The following FUT8 variants were observed in gnomAD, a reference collection of about 807,000 sequenced individuals.
FUT8 encodes the protein alpha-(1,6)-fucosyltransferase.
FUT8 carries 29 observed loss-of-function variants against 71.3 expected under a neutral mutation model. That is an observed-to-expected ratio of 0.41 (90% CI 0.30 to 0.55). The LOEUF (loss-of-function observed/expected upper bound fraction) is 0.55, where lower values mean the gene tolerates loss of function less well. Among genes scored for constraint, FUT8 ranks in the 20% least tolerant of loss-of-function variants. FUT8 has a pLI of 0.34. For missense variants in FUT8, 544 were observed against 702.1 expected, an observed-to-expected ratio of 0.77 and a Z score of 2.55; for synonymous variants, 254 against 239.3, an observed-to-expected ratio of 1.06 and a Z score of -0.57.
At chr14:65,670,753 T>G (rs928152972) in intron 7 of FUT8, among the ~76,000 whole-genome samples, 1 of 152,184 alleles carries the variant, frequency 6.6e-6, no homozygotes, top group Non-Finnish European at 1.5e-5. Flanking sequence ...TCTGACTCTT[T>G]GCAGAAGTGT....
intron 5 of FUT8, among the ~76,000 whole-genome samples, chr14:65,617,461 A>G (rs1258893188): frequency 3.3e-5 from 5 of 152,178 alleles, no homozygotes; most frequent in African/African-American, 7.2e-5. Flanking sequence ...TCTGTCATTA[A>G]TATTTCTCTA....
intron 2 of FUT8, among the ~76,000 whole-genome samples, chr14:65,531,966 A>T (rs1472785227): frequency 6.6e-6 from 1 of 151,940 alleles, no homozygotes; most frequent in Non-Finnish European, 1.5e-5. Context: ...TTTTTTTATG[A>T]CTGCATAGTG....
intron 3 of FUT8, among the ~76,000 whole-genome samples, chr14:65,564,446 A>G (rs960828731): frequency 3.9e-5 from 6 of 152,084 alleles, no homozygotes; most frequent in Admixed American, 3.3e-4. Flanking sequence ...ATTTAGGAAA[A>G]TAATTTAAAT....
intron 7 of FUT8, among the ~76,000 whole-genome samples, chr14:65,681,199 G>A (rs553489089): frequency 8.5e-5 from 13 of 152,136 alleles, no homozygotes; most frequent in African/African-American, 2.9e-4. Context: ...AATACTACTG[G>A]CCAATACTTG....
intron 6 of FUT8, chr14:65,646,017 G>A (rs973263287): frequency 1.3e-5 from 2 of 152,146 alleles, no homozygotes; most frequent in African/African-American, 4.8e-5. Context: ...ACCGACGCTG[G>A]AAAACTGAGA....
chr14:65,384,361 G>C, the FUT8 span, among the ~76,000 whole-genome samples: 1 of 152,114 alleles, frequency 6.6e-6, no homozygotes, highest in African/African-American at 2.4e-5. This position sits in a 1 kb window ranked among gnomAD's most constrained non-coding sequence, Gnocchi z 4.2. Context: ...TGATCCTCCT[G>C]CTTCAGCCTC....
rs74058524 is a variant in FUT8 at position 65,587,307 on chromosome 14, C to T, written c.203+25541C>T. Among the ~76,000 whole-genome samples the T allele has an allele frequency of 7.8e-3, 1,187 of 152,142 alleles. 9 individuals carry two copies. The highest frequency in any genetic ancestry group is 0.024 in the African/African-American group (989 of 41,506). Reference sequence around the variant, plus strand: ...GTATTCAGGAAATAGTTATGATCCTCACAGATGAGAAAAAGTGAAGTTCAG... The same window carrying T: ...GTATTCAGGAAATAGTTATGATCCTTACAGATGAGAAAAAGTGAAGTTCAG... On this transcript the variant is annotated intron_variant, in intron 3 of 10. Transcript: ENST00000673929.
intron 2 of FUT8, among the ~76,000 whole-genome samples, chr14:65,482,220 C>A (rs10133903): frequency 1.3e-5 from 2 of 151,982 alleles, no homozygotes; most frequent in African/African-American, 2.4e-5. Flanking sequence ...ATTTCAGCAT[C>A]ATTTACTGAA....
In FUT8 at chr14:65,598,187, T is replaced by A. The variant is rs184520816; in HGVS notation, c.204-17791T>A. On this transcript the variant is annotated intron_variant, in intron 3 of 10. Coordinates refer to ENST00000673929, the MANE Select transcript of FUT8 (RefSeq NM_001371533.1). ...TCTCAAAAATTTTATTATTCTATTA[T>A]GTAACAGTCATACAGTTTGGCTGTA... 3.1e-3 allele frequency among the ~76,000 whole-genome samples: 469 copies of A among 152,270 alleles called. 3 individuals are homozygous for A. Among genetic ancestry groups the A allele is most frequent in the Admixed American group, 5.7e-3 (87 of 15,294 alleles).
chr14:65,451,511 C>T (rs7147856), intron 1 of FUT8, among the ~76,000 whole-genome samples: 149,945 of 152,344 alleles, frequency 0.98, 73,852 homozygotes, highest in Middle Eastern at 1. Flanking sequence ...CCTTTGCCTT[C>T]TTTTTGTGAA....
At chr14:65,590,543 A>G (rs754731637) in intron 3 of FUT8, among the ~76,000 whole-genome samples, 45 of 152,154 alleles carry the variant, frequency 3.0e-4, no homozygotes, top group Admixed American at 3.3e-4. Flanking sequence ...AAAAGGTTTA[A>G]TTGCCTAGAT....
At chr14:65,602,402 C>CACACACCCTA (rs1888347668) in intron 3 of FUT8, among the ~76,000 whole-genome samples, 2 of 133,826 alleles carry the variant, frequency 1.5e-5, no homozygotes, top group Non-Finnish European at 3.2e-5. Context: ...CACACACACA[C>CACACACCCTA]AGTTTCTTTA....
chr14:65,697,506 C>G (rs1230154687), intron 7 of FUT8, among the ~76,000 whole-genome samples: 2 of 152,182 alleles, frequency 1.3e-5, no homozygotes, highest in Admixed American at 1.3e-4. Flanking sequence ...CTCTGGTAAA[C>G]TAGTTTTCCT....
chr14:65,447,902 T>C (rs1368112686), intron 1 of FUT8, among the ~76,000 whole-genome samples: 1 of 152,204 alleles, frequency 6.6e-6, no homozygotes, highest in Admixed American at 6.5e-5. Flanking sequence ...GATTAGTTTC[T>C]CAATGCCAGA....
chr14:65,412,130 G>T (rs1023251253), upstream of FUT8: 9 of 434,350 alleles, frequency 2.1e-5, no homozygotes, highest in African/African-American at 9.3e-5. Context: ...AGGCCCTCGT[G>T]GGGGGGGTCT....
At chr14:65,741,887 T>C (rs1896523072) in intron 10 of FUT8, among the ~76,000 whole-genome samples, 1 of 151,974 alleles carries the variant, frequency 6.6e-6, no homozygotes, top group Non-Finnish European at 1.5e-5. Context: ...TGAGTTTTTC[T>C]TCTTTATTTG....
At chr14:65,667,726 A>G (rs886617302) in intron 6 of FUT8, among the ~76,000 whole-genome samples, 1 of 152,178 alleles carries the variant, frequency 6.6e-6, no homozygotes, top group African/African-American at 2.4e-5. Flanking sequence ...AGCCATCCTA[A>G]GCAAAAAGAA....
chr14:65,729,548 A>G (rs61987782), intron 9 of FUT8, among the ~76,000 whole-genome samples: 32 of 147,382 alleles, frequency 2.2e-4, no homozygotes, highest in African/African-American at 7.8e-4. Flanking sequence ...TTTTTTTTAA[A>G]TACAGGGTCC....
intron 2 of FUT8, among the ~76,000 whole-genome samples, chr14:65,456,538 A>C (rs2065895604): frequency 6.6e-6 from 1 of 151,998 alleles, no homozygotes; most frequent in South Asian, 2.1e-4. Flanking sequence ...GATGATCATA[A>C]AACTGCTGCA....
Sources: gnomAD v4.1 joint callset for allele counts (sites outside exome capture counted in the v4.1 genomes callset) on GRCh38, gnomAD v4.1.1 for gene constraint, Gnocchi (gnomAD v3.1) non-coding constraint, MANE v1.5 for transcripts, NCBI Gene and HGNC (gene_info 2026-07-23, HGNC 2026-07-21) for gene names.